EARS2: variants seen among roughly 807,000 people sequenced by gnomAD.
EARS2 encodes nondiscriminating glutamyl-tRNA synthetase EARS2, mitochondrial.
Under a neutral mutation model 54.1 loss-of-function variants are expected in EARS2, and 50 were observed. The observed-to-expected ratio is 0.92, with a 90% CI of 0.74 to 1.17. The LOEUF is 1.17. Among genes scored for constraint, EARS2 ranks in the 50% most tolerant of loss-of-function variants. The pLI is 0.00. For missense variants in EARS2, 673 were observed against 675.0 expected, an observed-to-expected ratio of 1.00 and a Z score of 0.03; for synonymous variants, 298 against 281.0, an observed-to-expected ratio of 1.06 and a Z score of -0.61.
chr16:23,544,771 C>T (rs1965575637), intron 2 of EARS2, 68 bp from the exon 3 acceptor site: 1 of 1,343,762 alleles, frequency 7.4e-7, no homozygotes, highest in East Asian at 2.5e-5. Context: ...GCTCTAAGCA[C>T]TTTATGCACA....
At position 23,532,785 on chromosome 16, in the gene EARS2, A is replaced by G; in HGVS notation, c.959-20T>C. On this transcript the variant is annotated intron_variant, in intron 4 of 8. Transcript: ENST00000449606. ...GGTTCTCTGCAAAGAAGAGAGGCCC[A>G]GCCACTCAGCTTCCTCTCTCCCTTC... is the stretch of plus-strand genomic sequence containing the variant. 1 of 1,556,134 alleles carries G rather than the reference A, an allele frequency of 6.4e-7. No individual in the cohort carries two copies. The highest frequency in any genetic ancestry group is 8.9e-7 in the Non-Finnish European group (1 of 1,129,466).
At chr16:23,550,354 A>T (rs1296130022) in intron 2 of EARS2, among the ~76,000 whole-genome samples, 1 of 151,550 alleles carries the variant, frequency 6.6e-6, no homozygotes, top group Non-Finnish European at 1.5e-5. Context: ...GCAACAGAGC[A>T]AGATTTTGTT....
chr16:23,556,787 T>G, intron 1 of EARS2: 1 of 430,662 alleles, frequency 2.3e-6, no homozygotes, highest in East Asian at 6.7e-5. Context: ...CCTATCCTGT[T>G]TCACTTCCCG....
chr16:23,544,826 G>C, intron 2 of EARS2, 123 bp from the exon 3 acceptor site: 1 of 923,204 alleles, frequency 1.1e-6, no homozygotes, highest in Non-Finnish European at 1.6e-6. Flanking sequence ...GTTGGCATTA[G>C]TACAATGTCC....
intron 1 of EARS2, 69 bp downstream of exon 1, chr16:23,557,136 C>G (rs1965808572): frequency 1.3e-6 from 2 of 1,487,512 alleles, no homozygotes; most frequent in African/African-American, 1.4e-5. Flanking sequence ...AGGATTCATT[C>G]GGGAACATTC....
At position 23,529,992 on chromosome 16, in the gene EARS2, A is replaced by G; in HGVS notation, c.1068-95T>C. On this transcript the variant is annotated intron_variant, in intron 5 of 8. Transcript: ENST00000449606. Reference sequence around the variant, plus strand: ...GAAAGGGTGAAGTTGGAAGAATGACATATCAGGTCCCATGAGCCCTCCCTT... The same window carrying G: ...GAAAGGGTGAAGTTGGAAGAATGACGTATCAGGTCCCATGAGCCCTCCCTT... 7.4e-6 allele frequency: 11 copies of G among 1,490,082 alleles called. 1 individual carries two copies. Among genetic ancestry groups the G allele is most frequent in the South Asian group, 5.0e-5 (4 of 79,464 alleles). 92.3% of individuals were successfully genotyped at this position (1,490,082 alleles called of 1,614,324 possible).
rs766833871 is a variant in EARS2 at position 23,532,737 on chromosome 16, C to T, written c.987G>A (p.Glu329=). 1.2e-6 allele frequency: 2 copies of T among 1,613,956 alleles called. No individual in the cohort carries two copies. Among genetic ancestry groups the T allele is most frequent in the Non-Finnish European group, 1.7e-6 (2 of 1,179,918 alleles). The change falls in exon 5 of 9, where the codon GAG becomes GAA. Residue 329 remains glutamate, a synonymous_variant. Transcript: ENST00000449606. The part of the protein sequence containing the change: ...AENQMGRTLP[E]LITQFNLTQV... Reference sequence around the variant, plus strand: ...GTGTCAGGTTGAACTGTGTGATCAGCTCCGGCAGGGTCCTGCCCATTTGGT... The same window carrying T: ...GTGTCAGGTTGAACTGTGTGATCAGTTCCGGCAGGGTCCTGCCCATTTGGT...
chr16:23,557,139 G>T, intron 1 of EARS2, 66 bp downstream of exon 1: 1 of 1,489,822 alleles, frequency 6.7e-7, no homozygotes, highest in Admixed American at 2.4e-5. Context: ...ATTCATTCGG[G>T]AACATTCGTG....
At chr16:23,555,207 C>A (rs2142199442) in intron 1 of EARS2, among the ~76,000 whole-genome samples, 1 of 152,218 alleles carries the variant, frequency 6.6e-6, no homozygotes, top group East Asian at 1.9e-4. Context: ...ACATCTAGGC[C>A]AGGTGTGATG....
At position 23,529,567 on chromosome 16, in the gene EARS2, T is replaced by G. The variant is rs374785094; in HGVS notation, c.1287A>C (p.Ala429=). ...PVYSYLWTRP[A]VGRAQLDAIS... ...TGGCGTCCAGCTGTGCTCGACCTAC[T>G]GCAGGGCGAGTCCACAGGTAAGAGT... Residue 429 remains alanine, a synonymous_variant, in exon 7 of 9, where the codon GCA becomes GCC. Transcript: ENST00000449606. 1 of 1,614,160 alleles carries G rather than the reference T, an allele frequency of 6.2e-7. No homozygotes were observed. The highest frequency in any genetic ancestry group is 1.3e-5 in the African/African-American group (1 of 75,040).
Position 23,525,146 on chromosome 16 carries a change from G to A in EARS2, c.1488+98C>T, listed in dbSNP as rs1422310520. 2.0e-6 allele frequency: 3 copies of A among 1,533,992 alleles called. No homozygotes were observed. In the South Asian group the frequency reaches 3.4e-5, roughly 17 times the overall value. On this transcript the variant is annotated intron_variant, in intron 8 of 8. Transcript: ENST00000449606. The stretch of plus-strand genomic sequence containing the variant: ...GAGTGATCATGTTTCATTCACCTTT[G>A]TATACTCAATATTGAGCTCAGTGCC...
chr16:23,542,310 A>ATTTT (rs764602136), intron 3 of EARS2, among the ~76,000 whole-genome samples: 2 of 57,788 alleles, frequency 3.5e-5, no homozygotes, highest in Admixed American at 2.3e-4. Context: ...TGGACCTTTC[A>ATTTT]TTTTTCTTTT....
At chr16:23,530,860 G>A (rs1215736626) in intron 5 of EARS2, among the ~76,000 whole-genome samples, 2 of 151,670 alleles carry the variant, frequency 1.3e-5, no homozygotes, top group Non-Finnish European at 2.9e-5. Context: ...TGGGTGACAG[G>A]GCGAGACCCA....
At chr16:23,527,547 G>A (rs749458362) in intron 7 of EARS2, among the ~76,000 whole-genome samples, 12 of 129,886 alleles carry the variant, frequency 9.2e-5, no homozygotes, top group Non-Finnish European at 1.9e-4. Context: ...AAGAGTGATC[G>A]TTCTTTTTTT....
In EARS2 at chr16:23,557,308, C is replaced by G. The variant is rs377366867; in HGVS notation, c.36G>C (p.Glu12Asp). 8.5e-6 allele frequency: 13 copies of G among 1,522,942 alleles called. No individual in the cohort carries two copies. In the African/African-American group the frequency reaches 1.7e-4, roughly 19 times the overall value. 94.3% of individuals were successfully genotyped at this position (1,522,942 alleles called of 1,614,324 possible). A position where few individuals can be genotyped will look rare whatever the true frequency, so the allele number is the denominator to read the frequency against. Residue 12 changes from glutamate (E) to aspartate (D), a missense_variant, in exon 1 of 9, where the codon GAG becomes GAC. This residue lies in a region of EARS2 where 316 missense variants were observed against 275.2 expected (regional missense o/e 1.15). Transcript: ENST00000449606. ...GGCGGCCAGAGGCCGCCGAAGGCCTCTCGCGCTGCAGCAGTCTCCTCAGGA... is the reference window on the plus strand; with the variant it reads ...GGCGGCCAGAGGCCGCCGAAGGCCTGTCGCGCTGCAGCAGTCTCCTCAGGA... Reference protein sequence around the residue: ...AALLRRLLQRERPSAASGRPV... With the variant: ...AALLRRLLQRDRPSAASGRPV...
At chr16:23,548,230 TCTCAATAAATAA>T (rs1965636748) in intron 2 of EARS2, among the ~76,000 whole-genome samples, 1 of 71,926 alleles carries the variant, frequency 1.4e-5, no homozygotes, top group African/African-American at 4.5e-5. Context: ...CGAGACTCCA[TCTCAATAAATAA>T]ATAAATAAAT....
intron 7 of EARS2, 88 bp downstream of exon 7, chr16:23,529,414 A>C: frequency 6.6e-7 from 1 of 1,512,990 alleles, no homozygotes; most frequent in East Asian, 2.4e-5. Context: ...CTGGGGCCCC[A>C]ACAGCCCAGC....
intron 3 of EARS2, among the ~76,000 whole-genome samples, chr16:23,541,347 TAAAAC>T (rs148264203): frequency 0.067 from 10,118 of 151,856 alleles, 436 homozygotes; most frequent in Non-Finnish European, 0.1. Flanking sequence ...CAACATAACA[TAAAAC>T]AAAACAAAAC....
rs1965140409 is a variant in EARS2, at chr16:23,521,337, GATT to G, written c.*3031_*3033del. On this transcript the variant is annotated 3_prime_UTR_variant, in exon 9 of 9. Coordinates refer to ENST00000449606, the MANE Select transcript of EARS2 (RefSeq NM_001083614.2). ...TCTTATTTTCTGCCTGTATAATTTT[GATT>G]ATTTTAAGTAATTCAAATAAGTAGA... 6.6e-6 allele frequency among the ~76,000 whole-genome samples: 1 copy of G among 151,676 alleles called. No individual in the cohort carries two copies. Among genetic ancestry groups the G allele is most frequent in the Non-Finnish European group, 1.5e-5 (1 of 67,948 alleles).
Sources: allele counts gnomAD v4.1 joint callset (sites outside exome capture counted in the v4.1 genomes callset), GRCh38; gene constraint gnomAD v4.1.1; regional missense constraint gnomAD v4.1.1; transcripts MANE v1.5; gene names NCBI Gene and HGNC (gene_info 2026-07-23, HGNC 2026-07-21).